MS4A6E: variants seen among roughly 807,000 people sequenced by gnomAD.
MS4A6E encodes the protein membrane-spanning 4-domains subfamily A member 6E.
Under a neutral mutation model 13.2 loss-of-function variants are expected in MS4A6E, and 8 were observed. The ratio of observed to expected loss-of-function variants is 0.60; its 90% CI spans 0.35 to 1.09. The LOEUF is 1.09. Among genes scored for constraint, MS4A6E ranks in the 50% least tolerant of loss-of-function variants. The pLI, the probability that MS4A6E is intolerant of heterozygous loss-of-function variation, is 0.02. For synonymous variants in MS4A6E, 72 were observed against 67.6 expected, an observed-to-expected ratio of 1.06 and a Z score of -0.32; for missense variants, 177 against 171.1, an observed-to-expected ratio of 1.03 and a Z score of -0.19.
At chr11:60,330,702 C>T (rs1029217429) in intron 1 of MS4A6E, among the ~76,000 whole-genome samples, 4 of 152,078 alleles carry the variant, frequency 2.6e-5, no homozygotes, top group Admixed American at 2.0e-4. Context: ...ATGCCTATGT[C>T]CTGAATGGTA....
chr11:60,331,760 A>G (rs2085157410), intron 1 of MS4A6E, among the ~76,000 whole-genome samples: 1 of 152,210 alleles, frequency 6.6e-6, no homozygotes, highest in Non-Finnish European at 1.5e-5. Flanking sequence ...TCTAACCCCT[A>G]AAGTGATGGT....
At chr11:60,345,991 C>T (rs2135068679), downstream of MS4A6E, among the ~76,000 whole-genome samples, 1 of 152,316 alleles carries the variant, frequency 6.6e-6, no homozygotes, top group Admixed American at 6.5e-5. Flanking sequence ...GGTCTACCTT[C>T]CTTCCTTTAA....
downstream of MS4A6E, among the ~76,000 whole-genome samples, chr11:60,344,483 T>C (rs2085247012): frequency 6.6e-6 from 1 of 152,180 alleles, no homozygotes; most frequent in Admixed American, 6.6e-5. Flanking sequence ...TTTGGTAAGT[T>C]CTCTCCTGAA....
intron 4 of MS4A6E, 24 bp downstream of exon 4, chr11:60,339,988 T>C: frequency 6.2e-7 from 1 of 1,610,660 alleles, no homozygotes. Context: ...CCAGCCTCGC[T>C]TAATCTTGCC....
rs923770093 is a variant in MS4A6E, at chr11:60,341,188, G to T, written c.*422G>T. Among the ~76,000 whole-genome samples the T allele has an allele frequency of 6.6e-6, 1 of 152,176 alleles. No individual in the cohort carries two copies. Among genetic ancestry groups the T allele is most frequent in the African/African-American group, 2.4e-5 (1 of 41,444 alleles). The stretch of plus-strand genomic sequence containing the variant: ...CCTCAATTGTGAACAGGAGTTAACT[G>T]ATTTGCTGTGGTGCGCAGACTCTTT... On this transcript the variant is annotated 3_prime_UTR_variant, in exon 5 of 5. Coordinates refer to ENST00000684409, the MANE Select transcript of MS4A6E (RefSeq NM_139249.4).
intron 1 of MS4A6E, among the ~76,000 whole-genome samples, chr11:60,332,045 A>T (rs532743442): frequency 6.6e-6 from 1 of 152,256 alleles, no homozygotes; most frequent in South Asian, 2.1e-4. Context: ...TATTTTTGTT[A>T]TAACAGTCTG....
chr11:60,328,538 C>T (rs1307991682), intron 1 of MS4A6E, among the ~76,000 whole-genome samples: 1 of 151,690 alleles, frequency 6.6e-6, no homozygotes, highest in Admixed American at 6.6e-5. Flanking sequence ...CACACACACA[C>T]ACACACACAC....
chr11:60,341,067 A>G lies in MS4A6E; in HGVS notation c.*301A>G, dbSNP rs1279792100. The G allele has an allele frequency of 6.6e-6, 1 of 152,256 alleles. No individual in the cohort carries two copies. Among genetic ancestry groups the G allele is most frequent in the Non-Finnish European group, 1.5e-5 (1 of 68,038 alleles). The allele number at this position is 152,256 out of a possible 1,614,324, so 9.4% of individuals were successfully genotyped here. On this transcript the variant is annotated 3_prime_UTR_variant, in exon 5 of 5. Transcript: ENST00000684409. ...AGGGCTGTAAATTACCATTTACTAG[A>G]CTAGCCAAATAGTCTTAGACATTTC... is the stretch of plus-strand genomic sequence containing the variant.
At chr11:60,344,508 A>G (rs2085247124), downstream of MS4A6E, among the ~76,000 whole-genome samples, 1 of 152,226 alleles carries the variant, frequency 6.6e-6, no homozygotes, top group South Asian at 2.1e-4. Context: ...ATCTCTGGGC[A>G]CATTGATGAG....
At chr11:60,348,777 T>C (rs1380314604) in intron 4 of MS4A6E, among the ~76,000 whole-genome samples, 1 of 152,244 alleles carries the variant, frequency 6.6e-6, no homozygotes, top group Non-Finnish European at 1.5e-5. Flanking sequence ...GGATTGGCCA[T>C]GGTATCTCCA....
At chr11:60,336,118 G>T (rs571760439) in intron 2 of MS4A6E, among the ~76,000 whole-genome samples, 1 of 152,284 alleles carries the variant, frequency 6.6e-6, no homozygotes, top group East Asian at 1.9e-4. Context: ...GGTATTTAGA[G>T]ATTATTGTTT....
chr11:60,339,992 T>C (rs200609544), intron 4 of MS4A6E, 28 bp downstream of exon 4: 29 of 1,610,274 alleles, frequency 1.8e-5, no homozygotes, highest in Middle Eastern at 1.7e-4. Context: ...CCTCGCTTAA[T>C]CTTGCCTAGT....
downstream of MS4A6E, among the ~76,000 whole-genome samples, chr11:60,341,676 C>A (rs2085226690): frequency 1.3e-5 from 2 of 152,096 alleles, no homozygotes; most frequent in Admixed American, 1.3e-4. Context: ...TGTCATATTT[C>A]CTTGCTCTGA....
At chr11:60,339,596 C>T (rs568409522) in intron 3 of MS4A6E, among the ~76,000 whole-genome samples, 12 of 152,300 alleles carry the variant, frequency 7.9e-5, no homozygotes, top group Admixed American at 1.3e-4. Context: ...ATCAGAACTA[C>T]GTACGTCTCA....
downstream of MS4A6E, among the ~76,000 whole-genome samples, chr11:60,345,272 A>T (rs945679014): frequency 6.6e-6 from 1 of 152,206 alleles, no homozygotes; most frequent in Non-Finnish European, 1.5e-5. Context: ...AGCAGTAAGA[A>T]AGTGTCTTTC....
intron 3 of MS4A6E, 113 bp downstream of exon 3, chr11:60,338,060 AG>A: frequency 1.0e-6 from 1 of 993,726 alleles, no homozygotes; most frequent in Non-Finnish European, 1.5e-6. Flanking sequence ...GGGCATCTGG[AG>A]GAAGGCCAAG....
chr11:60,342,146 TGTGTGTG>T (rs1311553927), downstream of MS4A6E, among the ~76,000 whole-genome samples: 196 of 28,648 alleles, frequency 6.8e-3, 2 homozygotes, highest in African/African-American at 0.047. Flanking sequence ...GATAAACAAG[TGTGTGTG>T]TGTGTGTGTG....
downstream of MS4A6E, among the ~76,000 whole-genome samples, chr11:60,342,209 G>T (rs916675582): frequency 2.1e-5 from 3 of 141,516 alleles, no homozygotes; most frequent in Non-Finnish European, 4.6e-5. Flanking sequence ...GAGGGGGGGG[G>T]AGAGAAAGAC....
At chr11:60,333,473 C>G (rs150329544) in intron 1 of MS4A6E, among the ~76,000 whole-genome samples, 212 of 152,118 alleles carry the variant, frequency 1.4e-3, no homozygotes, top group African/African-American at 5.0e-3. Flanking sequence ...GAGAAGAGTT[C>G]CTAGAGTACA....
Sources: allele counts gnomAD v4.1 joint callset (sites outside exome capture counted in the v4.1 genomes callset), GRCh38; gene constraint gnomAD v4.1.1; transcripts MANE v1.5; gene names NCBI Gene and HGNC (gene_info 2026-07-23, HGNC 2026-07-21).